The following SYT6 variants were observed in gnomAD, a reference collection of about 807,000 sequenced individuals.
The protein encoded by SYT6 is synaptotagmin 6, also known as synaptotagmin-6.
A neutral mutation model predicts 38.4 loss-of-function variants in SYT6; 24 were observed. The ratio of observed to expected loss-of-function variants is 0.62; its 90% confidence interval spans 0.45 to 0.88. The LOEUF is 0.88. Among genes scored for constraint, SYT6 ranks in the 40% least tolerant of loss-of-function variants. The pLI, the probability that SYT6 is intolerant of heterozygous loss-of-function variation, is 0.00. For synonymous variants in SYT6, 265 were observed against 241.9 expected, an observed-to-expected ratio of 1.10 and a Z score of -0.89; for missense variants, 611 against 621.0, an observed-to-expected ratio of 0.98 and a Z score of 0.17.
Position 114,137,481 on chromosome 1 carries a change from A to G in SYT6, c.1071+14T>C, listed in dbSNP as rs1678549271. The G allele has an allele frequency of 1.2e-6, 2 of 1,604,200 alleles. No homozygotes were observed. Among genetic ancestry groups the G allele is most frequent in the African/African-American group, 2.7e-5 (2 of 74,892 alleles). On this transcript the variant is annotated intron_variant, in intron 3 of 7. Coordinates refer to ENST00000610222, the MANE Select transcript of SYT6 (RefSeq NM_001253772.2). ...ACAAATCCTCAAGAAGCCAAGGAAC[A>G]GGGCTGTACTTACACTTGTGGCATA...
chr1:114,093,404 T>G (rs564694023), intron 7 of SYT6, among the ~76,000 whole-genome samples: 1 of 152,338 alleles, frequency 6.6e-6, no homozygotes, highest in East Asian at 1.9e-4. Flanking sequence ...AAGATCTTTA[T>G]GACTAACCAA....
chr1:114,140,342 A>G (rs1050623878), intron 1 of SYT6, among the ~76,000 whole-genome samples: 4 of 152,222 alleles, frequency 2.6e-5, no homozygotes, highest in Admixed American at 1.3e-4. Context: ...TTTGTGAAGG[A>G]TTCATGTTGA....
intron 1 of SYT6, among the ~76,000 whole-genome samples, chr1:114,140,670 C>T (rs546026675): frequency 6.6e-6 from 1 of 152,302 alleles, no homozygotes; most frequent in East Asian, 1.9e-4. Flanking sequence ...CAGTGCACTT[C>T]AAAGCTAAAT....
At chr1:114,098,002 G>A in intron 5 of SYT6, 125 bp from the exon 6 acceptor site, 7 of 1,135,986 alleles carry the variant, frequency 6.2e-6, no homozygotes, top group Non-Finnish European at 8.7e-6. Context: ...TCTGAAAACA[G>A]ATGCTTGGCA....
chr1:114,145,960 C>A (rs17475937), intron 1 of SYT6, among the ~76,000 whole-genome samples: 27,582 of 152,066 alleles, frequency 0.18, 2,778 homozygotes, highest in African/African-American at 0.21. Flanking sequence ...CTCCATGTGA[C>A]CCCCAGCTGC....
chr1:114,098,658 T>A (rs1394574389), intron 5 of SYT6, among the ~76,000 whole-genome samples: 14 of 152,186 alleles, frequency 9.2e-5, no homozygotes, highest in Admixed American at 9.2e-4. Flanking sequence ...TAGGAAGATG[T>A]GTCCTTAGTA....
In SYT6 at chr1:114,134,117, G is replaced by A. The variant is rs570679200; in HGVS notation, c.1071+3378C>T. On this transcript the variant is annotated intron_variant, in intron 3 of 7. Coordinates refer to ENST00000610222, the MANE Select transcript of SYT6 (RefSeq NM_001253772.2). ...GCAACCTCCAAGTCCCCTTTCTCACGGTGCCTTTCCTTCTGCTCAGCATGC... is the reference window on the plus strand; with the variant it reads ...GCAACCTCCAAGTCCCCTTTCTCACAGTGCCTTTCCTTCTGCTCAGCATGC... 5.3e-5 allele frequency among the ~76,000 whole-genome samples: 8 copies of A among 152,230 alleles called. No individual in the cohort carries two copies. The South Asian group carries it at 1.7e-3, about 32-fold the overall frequency.
intron 2 of SYT6, among the ~76,000 whole-genome samples, chr1:114,138,771 T>C (rs1423411107): frequency 5.3e-5 from 8 of 152,246 alleles, no homozygotes; most frequent in Admixed American, 4.6e-4. Flanking sequence ...TCCTCACAAC[T>C]GCCATATAAA....
chr1:114,110,597 A>G (rs950172466), intron 3 of SYT6, among the ~76,000 whole-genome samples: 1 of 152,170 alleles, frequency 6.6e-6, no homozygotes, highest in Non-Finnish European at 1.5e-5. Context: ...TTTGCTTCCT[A>G]TGAAAAGCAG....
chr1:114,143,142 A>C (rs1678958599), intron 1 of SYT6, among the ~76,000 whole-genome samples: 1 of 149,632 alleles, frequency 6.7e-6, no homozygotes, highest in Non-Finnish European at 1.5e-5. Context: ...ATATATGTAT[A>C]TATACATATA....
intron 1 of SYT6, among the ~76,000 whole-genome samples, chr1:114,153,242 T>C (rs983459972): frequency 1.3e-5 from 2 of 152,106 alleles, no homozygotes; most frequent in Non-Finnish European, 2.9e-5. Flanking sequence ...CGGGCGCCCC[T>C]CGTCTCCCGC....
chr1:114,100,254 A>T (rs1675881695), intron 4 of SYT6, among the ~76,000 whole-genome samples: 1 of 152,150 alleles, frequency 6.6e-6, no homozygotes, highest in Non-Finnish European at 1.5e-5. Flanking sequence ...CACAGGTAAT[A>T]ATAGCTTTCG....
chr1:114,147,189 T>C (rs556411931), intron 1 of SYT6, among the ~76,000 whole-genome samples: 1 of 152,340 alleles, frequency 6.6e-6, no homozygotes, highest in Non-Finnish European at 1.5e-5. Flanking sequence ...CAAACTATGG[T>C]TCAGATCACA....
intron 3 of SYT6, among the ~76,000 whole-genome samples, chr1:114,114,574 T>C (rs1327127871): frequency 6.6e-6 from 1 of 152,234 alleles, no homozygotes. Context: ...GAATATTCCC[T>C]GCATTAGAAG....
At chr1:114,133,577 G>C (rs995274791) in intron 3 of SYT6, among the ~76,000 whole-genome samples, 4 of 152,200 alleles carry the variant, frequency 2.6e-5, no homozygotes, top group African/African-American at 9.6e-5. Flanking sequence ...AGACTATCAG[G>C]GGCCCTTGGG....
In SYT6 at chr1:114,091,640, G is replaced by A. The variant is rs540850589; in HGVS notation, c.*494C>T. 1.2e-5 allele frequency: 2 copies of A among 170,082 alleles called. No individual in the cohort carries two copies. Among genetic ancestry groups the A allele is most frequent in the East Asian group, 3.2e-4 (2 of 6,324 alleles). The allele number at this position is 170,082 out of a possible 1,614,324, so 10.5% of individuals were successfully genotyped here. A position where few individuals can be genotyped will look rare whatever the true frequency, so the allele number is the denominator to read the frequency against. On this transcript the variant is annotated 3_prime_UTR_variant, in exon 8 of 8. Transcript: ENST00000610222. ...CTTTTCCAGGGTTGTGGAGCTTGCT[G>A]GAGACGCAGCATTTCAGAAACTCAA...
intron 3 of SYT6, among the ~76,000 whole-genome samples, chr1:114,112,834 G>T (rs1244150668): frequency 5.3e-5 from 8 of 152,228 alleles, no homozygotes; most frequent in African/African-American, 1.9e-4. Flanking sequence ...TCAAATAGCT[G>T]CCAGTTTCTC....
intron 3 of SYT6, among the ~76,000 whole-genome samples, chr1:114,104,284 G>C (rs1676144332): frequency 6.6e-6 from 1 of 152,164 alleles, no homozygotes; most frequent in African/African-American, 2.4e-5. Context: ...CATCCCATCT[G>C]ATGGCAAGTG....
chr1:114,147,193 G>C (rs576278213), intron 1 of SYT6, among the ~76,000 whole-genome samples: 134 of 152,312 alleles, frequency 8.8e-4, no homozygotes, highest in Middle Eastern at 3.4e-3. Context: ...CTATGGTTCA[G>C]ATCACACATC....
Sources: gnomAD v4.1 joint callset for allele counts (sites outside exome capture counted in the v4.1 genomes callset) on GRCh38, gnomAD v4.1.1 for gene constraint, MANE v1.5 for transcripts, NCBI Gene and HGNC (gene_info 2026-07-23, HGNC 2026-07-21) for gene names.